Variants in ZC2HC1A observed in about 807,000 individuals in gnomAD.
The protein encoded by ZC2HC1A is zinc finger C2HC domain-containing protein 1A.
Under a neutral mutation model 40.7 loss-of-function variants are expected in ZC2HC1A, and 28 were observed. The ratio of observed to expected loss-of-function variants is 0.69; its 90% CI spans 0.51 to 0.94. The LOEUF is 0.94. Ranked by LOEUF, ZC2HC1A falls within the 40% of genes least tolerant of loss-of-function variation. The probability of loss-of-function intolerance (pLI) is 0.00; values close to 1 mark genes in which losing one functional copy is unlikely to be tolerated. For synonymous variants in ZC2HC1A, 129 were observed against 129.2 expected (o/e 1.00, Z 0.01); for missense variants, 389 against 386.3 (o/e 1.01, Z -0.06).
intron 7 of ZC2HC1A, among the ~76,000 whole-genome samples, chr8:78,704,120 G>A (rs547634177): frequency 3.3e-5 from 5 of 152,180 alleles, no homozygotes; most frequent in African/African-American, 9.6e-5. Flanking sequence ...GGTGGCTCAC[G>A]CCTGTAATCC....
intron 4 of ZC2HC1A, 37 bp from the exon 5 acceptor site, chr8:78,689,185 T>C (rs1872072): frequency 0.73 from 995,430 of 1,366,226 alleles, 368,210 homozygotes; most frequent in East Asian, 0.92. Context: ...TTTCAAGTAC[T>C]ATGCTATTAA....
chr8:78,675,075 CT>C lies in ZC2HC1A; in HGVS notation c.17-703del, dbSNP rs530185074. Among the ~76,000 whole-genome samples the C allele has an allele frequency of 5.3e-4, 79 of 149,908 alleles. No homozygotes were observed. The East Asian group carries it at 6.4e-3, about 12-fold the overall frequency. The stretch of plus-strand genomic sequence containing the variant: ...AATGCAGTTTCTTTTTTTGTAGTTT[CT>C]TTTTTTTTCTTTTTAGTAATAACAT... On this transcript the variant is annotated intron_variant, in intron 1 of 8. Transcript: ENST00000263849.
At chr8:78,669,945 G>A (rs2130408248) in intron 1 of ZC2HC1A, among the ~76,000 whole-genome samples, 1 of 147,376 alleles carries the variant, frequency 6.8e-6, no homozygotes, top group East Asian at 2.0e-4. Context: ...AGGAATGAAT[G>A]TATTTCTTTC....
intron 6 of ZC2HC1A, among the ~76,000 whole-genome samples, 195 bp from the exon 7 acceptor site, chr8:78,698,219 G>A (rs973559326): frequency 2.0e-5 from 3 of 152,142 alleles, no homozygotes; most frequent in Non-Finnish European, 2.9e-5. Context: ...TCAATTATAA[G>A]AGGGACATTT....
At chr8:78,698,393 A>G (rs1021217803) in intron 6 of ZC2HC1A, 21 bp from the exon 7 acceptor site, 7 of 1,585,766 alleles carry the variant, frequency 4.4e-6, no homozygotes, top group African/African-American at 1.4e-5. Context: ...ATTGTTAAAA[A>G]TAATGCTTTT....
chr8:78,712,044 G>A lies in ZC2HC1A; in HGVS notation c.705-3177G>A, dbSNP rs779708877. On this transcript the variant is annotated intron_variant, in intron 7 of 8. Transcript: ENST00000263849. Reference sequence around the variant, plus strand: ...GAACGGGAAGACTTGTGCAAAGGTTGTATGACAGTGATACAAAATCAGACA... The same window carrying A: ...GAACGGGAAGACTTGTGCAAAGGTTATATGACAGTGATACAAAATCAGACA... The A allele has an allele frequency of 3.9e-6, 5 of 1,289,706 alleles. No homozygotes were observed. The South Asian group carries it at 4.9e-5, about 13-fold the overall frequency. 79.9% of individuals were successfully genotyped at this position (1,289,706 alleles called of 1,614,324 possible). A position where few individuals can be genotyped will look rare whatever the true frequency, so the allele number is the denominator to read the frequency against.
chr8:78,708,357 A>C (rs1007580976), intron 7 of ZC2HC1A, among the ~76,000 whole-genome samples: 2 of 152,202 alleles, frequency 1.3e-5, no homozygotes, highest in South Asian at 4.2e-4. Flanking sequence ...AAAAATTCTC[A>C]TATGTTTGGT....
intron 1 of ZC2HC1A, among the ~76,000 whole-genome samples, chr8:78,672,295 G>C (rs1305056622): frequency 1.3e-5 from 2 of 152,032 alleles, no homozygotes; most frequent in African/African-American, 4.8e-5. Flanking sequence ...GAAAGGTACA[G>C]CCACTTTATT....
intron 1 of ZC2HC1A, among the ~76,000 whole-genome samples, chr8:78,674,262 C>T (rs1809512246): frequency 6.6e-6 from 1 of 152,098 alleles, no homozygotes; most frequent in African/African-American, 2.4e-5. Flanking sequence ...TTTGCTTTGT[C>T]ATCTAAGAAG....
Position 78,703,308 on chromosome 8 carries a change from T to C in ZC2HC1A, c.704+4795T>C, listed in dbSNP as rs189083811. Among the ~76,000 whole-genome samples, 21 of 152,302 alleles carry C rather than the reference T, an allele frequency of 1.4e-4. No homozygotes were observed. The East Asian group carries it at 4.0e-3, about 29-fold the overall frequency. On this transcript the variant is annotated intron_variant, in intron 7 of 8. Transcript: ENST00000263849. ...CAGGTCCATTTGATCCAGTGCTGAG[T>C]TCAGGTCCTAAATATTTATTTGTTA... is the stretch of plus-strand genomic sequence containing the variant.
chr8:78,669,570 A>G (rs1261006886), intron 1 of ZC2HC1A, among the ~76,000 whole-genome samples: 1 of 150,812 alleles, frequency 6.6e-6, no homozygotes, highest in Non-Finnish European at 1.5e-5. Flanking sequence ...AGTGGCTCAG[A>G]CTGTAGAAAG....
In ZC2HC1A at chr8:78,697,449, G is replaced by A; in HGVS notation, c.547G>A (p.Ala183Thr). 1 of 1,609,768 alleles carries A rather than the reference G, an allele frequency of 6.2e-7. No individual in the cohort carries two copies. The highest frequency in any genetic ancestry group is 8.5e-7 in the Non-Finnish European group (1 of 1,178,940). ...TAAAAAGTCAAATTCTCCTGGAACT[G>A]CATCATCAGGATCTTCACGATTACC... ...ALKKSNSPGT[A>T]SSGSSRLPQP... Residue 183 changes from alanine (A) to threonine (T), a missense_variant, in exon 6 of 9, where the codon GCA becomes ACA. By Grantham distance (58) the Ala-to-Thr change is moderately conservative. Transcript: ENST00000263849.
At chr8:78,701,894 T>C (rs2130564329) in intron 7 of ZC2HC1A, among the ~76,000 whole-genome samples, 1 of 152,288 alleles carries the variant, frequency 6.6e-6, no homozygotes. Context: ...GATTTGCTAG[T>C]ATTTTGTTGA....
chr8:78,689,427 A>C (rs928883664), intron 5 of ZC2HC1A, 54 bp downstream of exon 5: 2 of 1,474,530 alleles, frequency 1.4e-6, no homozygotes, highest in Non-Finnish European at 1.8e-6. Flanking sequence ...ATGGACATTC[A>C]TAGATTATTG....
chr8:78,666,691 T>G (rs779475056), intron 1 of ZC2HC1A, among the ~76,000 whole-genome samples: 2 of 152,166 alleles, frequency 1.3e-5, no homozygotes, highest in Non-Finnish European at 2.9e-5. Context: ...TCAGAGCATC[T>G]CCTAAGGAAG....
At chr8:78,685,719 G>A (rs755216803) in intron 3 of ZC2HC1A, among the ~76,000 whole-genome samples, 26 of 152,088 alleles carry the variant, frequency 1.7e-4, no homozygotes, top group Admixed American at 3.3e-4. Flanking sequence ...CACAAAGTGA[G>A]GACTATTTTT....
At chr8:78,680,318 A>C (rs967390592) in intron 3 of ZC2HC1A, among the ~76,000 whole-genome samples, 6 of 148,974 alleles carry the variant, frequency 4.0e-5, no homozygotes, top group Non-Finnish European at 8.9e-5. Flanking sequence ...AAAAAAAAGC[A>C]AAGTAAAAAC....
chr8:78,693,805 C>T (rs915742785), intron 5 of ZC2HC1A, among the ~76,000 whole-genome samples: 1 of 152,152 alleles, frequency 6.6e-6, no homozygotes, highest in African/African-American at 2.4e-5. Flanking sequence ...GAAGTCCTTG[C>T]CCATGCCTGT....
intron 7 of ZC2HC1A, chr8:78,712,086 TGA>T (rs1449668865): frequency 7.8e-7 from 1 of 1,288,954 alleles, no homozygotes; most frequent in African/African-American, 1.5e-5. Context: ...TCAAAAGACA[TGA>T]GTTATTACCT....
Sources: gnomAD v4.1 joint callset for allele counts (sites outside exome capture counted in the v4.1 genomes callset) on GRCh38, gnomAD v4.1.1 for gene constraint, MANE v1.5 for transcripts, NCBI Gene and HGNC (gene_info 2026-07-23, HGNC 2026-07-21) for gene names.